CSMD1: variants seen among roughly 807,000 people sequenced by gnomAD.
The protein encoded by CSMD1 is CUB and Sushi multiple domains 1.
A neutral mutation model predicts 417.5 loss-of-function variants in CSMD1; 213 were observed. That is an observed-to-expected ratio of 0.51 (90% CI 0.46 to 0.57). The LOEUF (loss-of-function observed/expected upper bound fraction) is 0.57, where lower values mean the gene tolerates loss of function less well. Among genes scored for constraint, CSMD1 ranks in the 20% least tolerant of loss-of-function variants. The pLI, the probability that CSMD1 is intolerant of heterozygous loss-of-function variation, is 0.00. For missense variants in CSMD1, 6,923 were observed against 4,529.7 expected (o/e 1.53, Z -15.17); for synonymous variants, 2,862 against 1,736.8 (o/e 1.65, Z -16.11).
At chr8:3,591,834 G>A (rs1227146291) in intron 8 of CSMD1, among the ~76,000 whole-genome samples, 2 of 152,054 alleles carry the variant, frequency 1.3e-5, no homozygotes, top group East Asian at 3.9e-4. Flanking sequence ...ATAGATGATA[G>A]GTACATAGAT....
In CSMD1 at chr8:3,359,221, C is replaced by T; in HGVS notation, c.3235G>A (p.Gly1079Ser). ...CCCAGGCAGGTAAGCTTGGTGGCACCTTCTAAACGATATCCCAGGAAGCAG... is the reference window on the plus strand; with the variant it reads ...CCCAGGCAGGTAAGCTTGGTGGCACTTTCTAAACGATATCCCAGGAAGCAG... ...FSCFLGYRLE[G>S]ATKLTCLGGG... Residue 1079 changes from glycine (G) to serine (S), a missense_variant, in exon 21 of 70, where the codon GGT becomes AGT. Physicochemically the swap from Gly to Ser is moderately conservative, Grantham distance 56. Transcript: ENST00000635120. 1.2e-6 allele frequency: 2 copies of T among 1,613,938 alleles called. No individual in the cohort carries two copies. Among genetic ancestry groups the T allele is most frequent in the East Asian group, 2.2e-5 (1 of 44,842 alleles).
chr8:4,174,117 C>G (rs943846845), intron 3 of CSMD1, among the ~76,000 whole-genome samples: 1 of 152,046 alleles, frequency 6.6e-6, no homozygotes, highest in Non-Finnish European at 1.5e-5. Context: ...GAGGGTAGGG[C>G]AAGCCTGGAA....
chr8:3,969,204 C>A lies in CSMD1; in HGVS notation c.818+28699G>T, dbSNP rs541733026. ...GGCAGTGGTTGCAGTGAGCCTAGATCGTGACACTGCACTCCAGCCTGGGTG... is the reference window on the plus strand; with the variant it reads ...GGCAGTGGTTGCAGTGAGCCTAGATAGTGACACTGCACTCCAGCCTGGGTG... On this transcript the variant is annotated intron_variant, in intron 5 of 69. Transcript: ENST00000635120. Among the ~76,000 whole-genome samples the A allele has an allele frequency of 3.3e-5, 5 of 152,164 alleles. No individual in the cohort carries two copies. In the East Asian group the frequency reaches 9.7e-4, roughly 30 times the overall value.
intron 21 of CSMD1, among the ~76,000 whole-genome samples, chr8:3,348,985 C>A (rs1053794689): frequency 6.6e-6 from 1 of 152,120 alleles, no homozygotes; most frequent in African/African-American, 2.4e-5. Context: ...GCTACATATA[C>A]GGGTGCACAC....
At position 3,456,462 on chromosome 8, in the gene CSMD1, A is replaced by C. The variant is rs145227593; in HGVS notation, c.1561+12250T>G. Among the ~76,000 whole-genome samples the C allele has an allele frequency of 1.3e-3, 199 of 152,216 alleles. 2 individuals carry two copies. The highest frequency in any genetic ancestry group is 4.7e-3 in the African/African-American group (196 of 41,528). ...TCCACCCCTTACTCTCCTATTTTCT[A>C]ATACAATTTAGAAAATGCATAACAC... On this transcript the variant is annotated intron_variant, in intron 12 of 69. Transcript: ENST00000635120.
intron 1 of CSMD1, among the ~76,000 whole-genome samples, chr8:4,817,875 G>A (rs1288555389): frequency 6.6e-6 from 1 of 152,150 alleles, no homozygotes; most frequent in Non-Finnish European, 1.5e-5. Context: ...ATATGATAGA[G>A]TTTCAGCAAA....
At chr8:4,356,266 C>G (rs1382256920) in intron 3 of CSMD1, among the ~76,000 whole-genome samples, 3 of 152,110 alleles carry the variant, frequency 2.0e-5, no homozygotes, top group Non-Finnish European at 4.4e-5. Flanking sequence ...TCATCCCGGT[C>G]ACTGCAAATG....
intron 1 of CSMD1, among the ~76,000 whole-genome samples, chr8:4,929,641 A>C (rs949818661): frequency 3.3e-5 from 5 of 152,150 alleles, no homozygotes; most frequent in Non-Finnish European, 7.4e-5. Context: ...CATCTGATTC[A>C]ATTAACTGAC....
At chr8:4,780,276 C>A (rs1257141998) in intron 1 of CSMD1, among the ~76,000 whole-genome samples, 1 of 152,182 alleles carries the variant, frequency 6.6e-6, no homozygotes. Flanking sequence ...GCTTTCTGAG[C>A]CCAGGCTTTG....
chr8:3,339,120 A>G (rs1181470856), intron 23 of CSMD1, among the ~76,000 whole-genome samples: 1 of 151,874 alleles, frequency 6.6e-6, no homozygotes, highest in African/African-American at 2.4e-5. Context: ...TTTACTGAGA[A>G]TGATGATTTC....
At chr8:3,013,706 C>A (rs117582274) in intron 52 of CSMD1, among the ~76,000 whole-genome samples, 2,327 of 150,498 alleles carry the variant, frequency 0.015, 21 homozygotes, top group East Asian at 0.038. Context: ...GAGCTGAGAT[C>A]ACACCACTGC....
At chr8:3,204,940 T>A (rs1238236672) in intron 31 of CSMD1, among the ~76,000 whole-genome samples, 1 of 152,184 alleles carries the variant, frequency 6.6e-6, no homozygotes, top group Non-Finnish European at 1.5e-5. Context: ...AAGGCCCTTC[T>A]GGAAATGAAG....
intron 1 of CSMD1, among the ~76,000 whole-genome samples, chr8:4,850,241 T>C (rs1431546336): frequency 6.6e-6 from 1 of 152,110 alleles, no homozygotes; most frequent in African/African-American, 2.4e-5. Context: ...GCTCCAAGAG[T>C]ACTTTCTATG....
intron 3 of CSMD1, among the ~76,000 whole-genome samples, chr8:4,214,020 A>C (rs569251920): frequency 6.6e-6 from 1 of 152,354 alleles, no homozygotes; most frequent in Admixed American, 6.5e-5. Context: ...TGACGATGTA[A>C]GTAACAATGG....
chr8:4,821,305 T>C (rs1248968396), intron 1 of CSMD1, among the ~76,000 whole-genome samples: 1 of 152,164 alleles, frequency 6.6e-6, no homozygotes, highest in African/African-American at 2.4e-5. Context: ...GCCAGTATAA[T>C]CCAATCCATT....
At chr8:2,985,360 C>CGT (rs1805798877) in intron 54 of CSMD1, among the ~76,000 whole-genome samples, 2 of 151,410 alleles carry the variant, frequency 1.3e-5, no homozygotes, top group Admixed American at 6.6e-5. Context: ...TGTTTCACCA[C>CGT]GTGAGGCAGG....
chr8:4,150,518 C>G (rs1424103986), intron 3 of CSMD1, among the ~76,000 whole-genome samples: 1 of 152,186 alleles, frequency 6.6e-6, no homozygotes, highest in African/African-American at 2.4e-5. Flanking sequence ...GGCAGAATTT[C>G]TCTTTCTGTT....
chr8:3,109,230 A>T (rs1816346298), intron 43 of CSMD1, among the ~76,000 whole-genome samples: 1 of 152,172 alleles, frequency 6.6e-6, no homozygotes, highest in Non-Finnish European at 1.5e-5. Context: ...GCGCCACTGC[A>T]CTCCAGCTGT....
At chr8:4,714,807 A>C (rs1410005047) in intron 1 of CSMD1, among the ~76,000 whole-genome samples, 1 of 152,220 alleles carries the variant, frequency 6.6e-6, no homozygotes, top group African/African-American at 2.4e-5. Flanking sequence ...AAATAGACTC[A>C]ACATTATAAA....
Sources: allele counts gnomAD v4.1 joint callset (sites outside exome capture counted in the v4.1 genomes callset), GRCh38; gene constraint gnomAD v4.1.1; transcripts MANE v1.5; gene names NCBI Gene and HGNC (gene_info 2026-07-23, HGNC 2026-07-21).